Variants in MRTFA observed in about 807,000 individuals in gnomAD.
The protein encoded by MRTFA is myocardin related transcription factor A, also known as myocardin-related transcription factor A.
Under a neutral mutation model 83.5 loss-of-function variants are expected in MRTFA, and 20 were observed. The observed-to-expected ratio is 0.24, with a 90% CI of 0.17 to 0.35. The LOEUF (loss-of-function observed/expected upper bound fraction) is 0.35. MRTFA is among the 10% of genes least tolerant of loss of function. The pLI is 1.00. For missense variants in MRTFA, 1,200 were observed against 1,224.7 expected (o/e 0.98, Z 0.30); for synonymous variants, 659 against 541.2 (o/e 1.22, Z -3.02).
chr22:40,600,722 G>A (rs973359410), intron 1 of MRTFA, among the ~76,000 whole-genome samples: 1 of 152,218 alleles, frequency 6.6e-6, no homozygotes, highest in Non-Finnish European at 1.5e-5. Flanking sequence ...GCTCACGCCT[G>A]TAATCCCAGA....
Position 40,418,755 on chromosome 22 carries a change from G to T in MRTFA, c.1983C>A (p.Ala661=). ...GGGCGGGGGCGGGGGCGGGCTGCTG[G>T]GCTCGCTTCTCCTGCTCCAGCTGCA... Residue 661 remains alanine, a synonymous_variant, in exon 12 of 15, where the codon GCC becomes GCA. Transcript: ENST00000355630. 6.6e-7 allele frequency: 1 copy of T among 1,521,532 alleles called. No homozygotes were observed. The allele number at this position is 1,521,532 out of a possible 1,614,324, so 94.3% of individuals were successfully genotyped here.
intron 3 of MRTFA, among the ~76,000 whole-genome samples, chr22:40,530,850 A>C (rs982638977): frequency 6.6e-6 from 1 of 152,248 alleles, no homozygotes; most frequent in Non-Finnish European, 1.5e-5. Context: ...TTCATTTCTT[A>C]ATATAAGAAC....
At chr22:40,507,114 A>G (rs974357735) in intron 3 of MRTFA, among the ~76,000 whole-genome samples, 1 of 152,180 alleles carries the variant, frequency 6.6e-6, no homozygotes, top group African/African-American at 2.4e-5. Flanking sequence ...TAAAACCAGC[A>G]ATTTGGGAGA....
Position 40,418,390 on chromosome 22 carries a change from C to T in MRTFA, c.2348G>A (p.Ser783Asn). The T allele has an allele frequency of 6.2e-7, 1 of 1,613,822 alleles. No individual in the cohort carries two copies. ...CCCAGGTACCTGCTGGGGGCTCCCA[C>T]TGGACAGGCCAGGGCTGTCTGCATT... Residue 783 changes from serine (S) to asparagine (N), a missense_variant, in exon 12 of 15, where the codon AGT becomes AAT. Physicochemically the swap from Ser to Asn is conservative, Grantham distance 46. Around this residue, in one of 2 missense-constraint regions of MRTFA, gnomAD observed 1,107 missense variants for 1,041.8 expected, o/e 1.06. Transcript: ENST00000355630.
intron 3 of MRTFA, among the ~76,000 whole-genome samples, chr22:40,540,651 A>G (rs1861186252): frequency 6.6e-6 from 1 of 151,852 alleles, no homozygotes; most frequent in African/African-American, 2.4e-5. Flanking sequence ...ATGGTGGCAT[A>G]TGCCTGTAAT....
intron 1 of MRTFA, among the ~76,000 whole-genome samples, chr22:40,614,189 C>T (rs2056421473): frequency 6.7e-6 from 1 of 150,246 alleles, no homozygotes; most frequent in Admixed American, 6.7e-5. Context: ...GCAACAAGAG[C>T]AGAACTCTGT....
At chr22:40,630,061 C>T (rs900167337) in intron 1 of MRTFA, among the ~76,000 whole-genome samples, 1 of 152,040 alleles carries the variant, frequency 6.6e-6, no homozygotes, top group Non-Finnish European at 1.5e-5. Context: ...GCTTATCATC[C>T]TAGCGCTTTG....
intron 6 of MRTFA, 140 bp from the exon 7 acceptor site, chr22:40,429,907 G>C: frequency 1.1e-6 from 1 of 885,588 alleles, no homozygotes; most frequent in Non-Finnish European, 1.7e-6. Context: ...GCAGAGAAGA[G>C]TGGCCTGTCT....
chr22:40,601,282 A>G (rs2056256091), intron 1 of MRTFA, among the ~76,000 whole-genome samples: 1 of 152,106 alleles, frequency 6.6e-6, no homozygotes, highest in African/African-American at 2.4e-5. Context: ...TGGCACATCT[A>G]TAGCTCAATG....
intron 3 of MRTFA, among the ~76,000 whole-genome samples, chr22:40,510,816 C>G (rs1304890660): frequency 2.0e-5 from 3 of 152,076 alleles, no homozygotes; most frequent in African/African-American, 4.8e-5. Flanking sequence ...TCAGAAGAGA[C>G]AGCCCTTGAA....
chr22:40,441,843 C>A (rs951093498), intron 4 of MRTFA, among the ~76,000 whole-genome samples: 2 of 151,572 alleles, frequency 1.3e-5, no homozygotes, highest in Non-Finnish European at 2.9e-5. Flanking sequence ...CACACACACA[C>A]ACACACACAC....
At chr22:40,500,575 A>G (rs1302610166) in intron 3 of MRTFA, among the ~76,000 whole-genome samples, 1 of 151,988 alleles carries the variant, frequency 6.6e-6, no homozygotes, top group Non-Finnish European at 1.5e-5. Flanking sequence ...ATTACTTGCG[A>G]TTAGGGATTG....
chr22:40,478,769 C>G (rs373946443), intron 3 of MRTFA, among the ~76,000 whole-genome samples: 3 of 152,144 alleles, frequency 2.0e-5, no homozygotes, highest in Admixed American at 1.3e-4. Context: ...TACAACCCAT[C>G]GGAATGGCTC....
intron 3 of MRTFA, chr22:40,533,709 G>C: frequency 1.1e-6 from 1 of 942,990 alleles, no homozygotes; most frequent in Non-Finnish European, 1.4e-6. Context: ...AAGCTGTCTT[G>C]AAAGCTTTCA....
At chr22:40,627,543 A>G (rs1283266257) in intron 1 of MRTFA, among the ~76,000 whole-genome samples, 1 of 152,250 alleles carries the variant, frequency 6.6e-6, no homozygotes, top group Non-Finnish European at 1.5e-5. Flanking sequence ...TAACATCTTG[A>G]TTACTACTAC....
chr22:40,424,917 AG>A (rs2052922047), intron 7 of MRTFA, among the ~76,000 whole-genome samples: 1 of 152,244 alleles, frequency 6.6e-6, no homozygotes, highest in Non-Finnish European at 1.5e-5. Context: ...CCCAGAGGCC[AG>A]GAACAGACTA....
rs373666097 is a variant in MRTFA, at chr22:40,418,877, G to A, written c.1861C>T (p.Arg621Cys). The A allele has an allele frequency of 2.8e-5, 45 of 1,612,324 alleles. No individual in the cohort carries two copies. In the Admixed American group the frequency reaches 3.7e-4, roughly 13 times the overall value. The change falls in exon 12 of 15, where the codon CGC becomes TGC. Residue 621 changes from arginine (R) to cysteine (C), a missense_variant. By Grantham distance (180) the Arg-to-Cys change is radical. This residue lies in a region of MRTFA where 1,107 missense variants were observed against 1,041.8 expected (regional missense o/e 1.06). Coordinates refer to ENST00000355630, the MANE Select transcript of MRTFA (RefSeq NM_020831.6). ...TCCTGCAGCATCTGGTCCTTGTCGC[G>A]CCCCTCTAGCTCCGCCCGCCCCCCA...
intron 1 of MRTFA, among the ~76,000 whole-genome samples, chr22:40,627,182 T>C (rs1357899152): frequency 1.3e-5 from 2 of 152,200 alleles, no homozygotes; most frequent in Non-Finnish European, 2.9e-5. Context: ...AGTCTCACTC[T>C]GTTGCCCAGG....
chr22:40,621,639 G>A lies in MRTFA; in HGVS notation c.-84+14839C>T, dbSNP rs777200898. On this transcript the variant is annotated intron_variant, in intron 1 of 14. Transcript: ENST00000355630. ...AATTTTAACACAATTTTTAAACACC[G>A]TGGGCAAAAACTCTACTCAGTTGCA... Among the ~76,000 whole-genome samples the A allele has an allele frequency of 4.5e-4, 68 of 152,076 alleles. 2 individuals carry two copies. Among genetic ancestry groups the A allele is most frequent in the Non-Finnish European group, 1.2e-4 (8 of 67,998 alleles).
Sources: gnomAD v4.1 joint callset for allele counts (sites outside exome capture counted in the v4.1 genomes callset) on GRCh38, gnomAD v4.1.1 for gene constraint, gnomAD v4.1.1 regional missense constraint, MANE v1.5 for transcripts, NCBI Gene and HGNC (gene_info 2026-07-23, HGNC 2026-07-21) for gene names.